CSMD1: variants seen among roughly 807,000 people sequenced by gnomAD.
CSMD1 encodes CUB and sushi domain-containing protein 1.
In CSMD1, 213 loss-of-function variants were observed where a neutral mutation model predicts 417.5. That is an observed-to-expected ratio of 0.51 (90% CI 0.46 to 0.57). The LOEUF is 0.57. CSMD1 is among the 20% of genes least tolerant of loss of function. CSMD1 has a pLI of 0.00. For missense variants in CSMD1, 6,923 were observed against 4,529.7 expected, an observed-to-expected ratio of 1.53 and a Z score of -15.17; for synonymous variants, 2,862 against 1,736.8, an observed-to-expected ratio of 1.65 and a Z score of -16.11.
At chr8:4,904,198 G>A (rs1354567443) in intron 1 of CSMD1, among the ~76,000 whole-genome samples, 1 of 152,090 alleles carries the variant, frequency 6.6e-6, no homozygotes, top group Non-Finnish European at 1.5e-5. Context: ...GTCATAACAT[G>A]ATGACCAACC....
Position 3,157,941 on chromosome 8 carries a change from G to C in CSMD1, c.5870C>G (p.Pro1957Arg). Residue 1957 changes from proline (P) to arginine (R), a missense_variant, in exon 39 of 70, where the codon CCA (proline) becomes CGA (arginine). Transcript: ENST00000635120. Reference protein sequence around the residue: ...LQGRSHISCMPGTVRRWNYPS... With the variant: ...LQGRSHISCMRGTVRRWNYPS... Reference sequence around the variant, plus strand: ...ATAGTTCCAACGGCGAACGGTCCCTGGCATACAGGAAATGTGGGAACGGCC... The same window carrying C: ...ATAGTTCCAACGGCGAACGGTCCCTCGCATACAGGAAATGTGGGAACGGCC... 2 of 1,554,364 alleles carry C rather than the reference G, an allele frequency of 1.3e-6. No individual in the cohort carries two copies. The highest frequency in any genetic ancestry group is 2.4e-5 in the South Asian group (2 of 84,088).
chr8:4,233,118 A>C (rs1449606444), intron 3 of CSMD1, among the ~76,000 whole-genome samples: 5 of 152,202 alleles, frequency 3.3e-5, no homozygotes, highest in Non-Finnish European at 5.9e-5. Context: ...AAATGCTATC[A>C]CTTATCCACA....
At chr8:4,049,232 T>G (rs1409146053) in intron 3 of CSMD1, among the ~76,000 whole-genome samples, 2 of 152,124 alleles carry the variant, frequency 1.3e-5, no homozygotes, top group East Asian at 3.9e-4. Context: ...TGTAGACTTC[T>G]CAACCTTGAC....
At chr8:3,412,376 A>C (rs2116933308) in intron 12 of CSMD1, among the ~76,000 whole-genome samples, 1 of 152,172 alleles carries the variant, frequency 6.6e-6, no homozygotes, top group Non-Finnish European at 1.5e-5. Context: ...TGTAGAAGTG[A>C]CTCAGAACTG....
At chr8:3,511,651 A>T (rs10088875) in intron 10 of CSMD1, among the ~76,000 whole-genome samples, 12,287 of 150,002 alleles carry the variant, frequency 0.082, 726 homozygotes, top group African/African-American at 0.15. Flanking sequence ...CCAGCTACTC[A>T]GGAGGCAAAG....
intron 5 of CSMD1, among the ~76,000 whole-genome samples, chr8:3,829,306 A>C (rs4269567): frequency 6.6e-6 from 1 of 151,916 alleles, no homozygotes; most frequent in Non-Finnish European, 1.5e-5. Flanking sequence ...GAGCTACTTC[A>C]CTTATTCTAC....
intron 5 of CSMD1, among the ~76,000 whole-genome samples, chr8:3,865,932 T>G (rs921114795): frequency 6.6e-6 from 1 of 152,200 alleles, no homozygotes; most frequent in African/African-American, 2.4e-5. Context: ...ACTCCTCATG[T>G]TTCCCTCGTG....
At chr8:3,212,185 G>A (rs954935680) in intron 30 of CSMD1, among the ~76,000 whole-genome samples, 2 of 152,058 alleles carry the variant, frequency 1.3e-5, no homozygotes, top group Non-Finnish European at 2.9e-5. Flanking sequence ...GCTCCCATAT[G>A]CTTCTTATTT....
chr8:4,007,520 G>T (rs1217305332), intron 4 of CSMD1, among the ~76,000 whole-genome samples: 1 of 151,792 alleles, frequency 6.6e-6, no homozygotes, highest in Non-Finnish European at 1.5e-5. Context: ...ATTTAAACTA[G>T]CACTCACCTA....
chr8:3,954,876 T>C (rs555817112), intron 5 of CSMD1, among the ~76,000 whole-genome samples: 57 of 152,332 alleles, frequency 3.7e-4, no homozygotes, highest in South Asian at 3.5e-3. Flanking sequence ...TTCTTCCTTA[T>C]TCTGGTGGAG....
chr8:4,456,687 G>A (rs1423041598), intron 2 of CSMD1, among the ~76,000 whole-genome samples: 2 of 152,082 alleles, frequency 1.3e-5, no homozygotes, highest in Non-Finnish European at 2.9e-5. Flanking sequence ...ATGGATGCTG[G>A]CTCTGGTGGA....
At chr8:4,216,926 C>T (rs1344199560) in intron 3 of CSMD1, among the ~76,000 whole-genome samples, 1 of 152,144 alleles carries the variant, frequency 6.6e-6, no homozygotes, top group Non-Finnish European at 1.5e-5. Context: ...CTTTCAAAAG[C>T]CAACAGCTCC....
chr8:3,175,819 T>A (rs1369110528), intron 37 of CSMD1, among the ~76,000 whole-genome samples: 2 of 152,194 alleles, frequency 1.3e-5, no homozygotes, highest in African/African-American at 4.8e-5. Context: ...TATATTTTGT[T>A]AACTTCACTG....
At chr8:4,631,306 G>C (rs183999571) in intron 2 of CSMD1, among the ~76,000 whole-genome samples, 70 of 152,198 alleles carry the variant, frequency 4.6e-4, no homozygotes, top group East Asian at 2.5e-3. Context: ...AGGTTGCAGT[G>C]AGCTGAGATC....
intron 1 of CSMD1, among the ~76,000 whole-genome samples, chr8:4,856,281 T>C (rs1403166509): frequency 4.2e-5 from 6 of 141,888 alleles, no homozygotes; most frequent in Non-Finnish European, 9.2e-5. Flanking sequence ...AACATGGAAA[T>C]GAACAAACGG....
Position 4,505,807 on chromosome 8 carries a change from T to TA in CSMD1, c.303-85743_303-85742insT, listed in dbSNP as rs1461584270. On this transcript the variant is annotated intron_variant, in intron 2 of 69. Transcript: ENST00000635120. ...ATGAGTTCCACACTCATGTTCAATA[T>TA]TTTTTTTTTTTTAGATAGAGTCTCA... Among the ~76,000 whole-genome samples the TA allele has an allele frequency of 2.2e-5, 3 of 138,324 alleles. No homozygotes were observed. In the East Asian group the frequency reaches 7.5e-4, roughly 34 times the overall value. The allele number at this position is 138,324 out of a possible 152,430, so 90.7% of individuals were successfully genotyped here. A position where few individuals can be genotyped will look rare whatever the true frequency, so the allele number is the denominator to read the frequency against.
chr8:4,944,141 G>A (rs1337806844), intron 1 of CSMD1, among the ~76,000 whole-genome samples: 3 of 152,112 alleles, frequency 2.0e-5, no homozygotes, highest in Non-Finnish European at 2.9e-5. Context: ...TTAGGCATCT[G>A]AATATCTTGG....
At chr8:3,328,015 G>A (rs1032795454) in intron 23 of CSMD1, among the ~76,000 whole-genome samples, 1 of 152,088 alleles carries the variant, frequency 6.6e-6, no homozygotes, top group Non-Finnish European at 1.5e-5. Flanking sequence ...AGCCAATTCG[G>A]GTTCCAGTTT....
rs190879551 is a variant in CSMD1, at chr8:3,379,951, C to T, written c.2782+7543G>A. Among the ~76,000 whole-genome samples the T allele has an allele frequency of 4.7e-3, 711 of 152,216 alleles. 4 individuals carry two copies. Among genetic ancestry groups the T allele is most frequent in the Middle Eastern group, 0.017 (5 of 294 alleles). On this transcript the variant is annotated intron_variant, in intron 18 of 69. Coordinates refer to ENST00000635120, the MANE Select transcript of CSMD1 (RefSeq NM_033225.6). The stretch of plus-strand genomic sequence containing the variant: ...GCAAAAGAAAGTACCTCAGAGTGAA[C>T]AGGCAACCTACAGAATGGGAGAAAA...
Sources: gnomAD v4.1 joint callset for allele counts (sites outside exome capture counted in the v4.1 genomes callset) on GRCh38, gnomAD v4.1.1 for gene constraint, MANE v1.5 for transcripts, NCBI Gene and HGNC (gene_info 2026-07-23, HGNC 2026-07-21) for gene names.